The following SND1 variants were observed in gnomAD, a reference collection of about 807,000 sequenced individuals.
The protein encoded by SND1 is staphylococcal nuclease domain-containing protein 1.
SND1 carries 38 observed loss-of-function variants against 121.7 expected under a neutral mutation model. The ratio of observed to expected loss-of-function variants is 0.31; its 90% CI spans 0.24 to 0.41. The LOEUF is 0.41. SND1 is among the 10% of genes least tolerant of loss of function. SND1 has a pLI of 1.00. For missense variants in SND1, 868 were observed against 1,184.6 expected, an observed-to-expected ratio of 0.73 and a Z score of 3.92; for synonymous variants, 401 against 447.4, an observed-to-expected ratio of 0.90 and a Z score of 1.31.
At chr7:128,008,344 C>T (rs1489587174) in intron 16 of SND1, among the ~76,000 whole-genome samples, 1 of 152,146 alleles carries the variant, frequency 6.6e-6, no homozygotes, top group Non-Finnish European at 1.5e-5. Flanking sequence ...TTTTCCATCG[C>T]TTTCCCTGAT....
chr7:128,016,529 T>C (rs1233733336), intron 16 of SND1, among the ~76,000 whole-genome samples: 1 of 152,130 alleles, frequency 6.6e-6, no homozygotes, highest in Non-Finnish European at 1.5e-5. Context: ...GCCGTGTGGG[T>C]GGCAGAAAAT....
chr7:127,840,311 A>G (rs4728079), intron 11 of SND1, among the ~76,000 whole-genome samples: 43,344 of 152,162 alleles, frequency 0.28, 7,761 homozygotes, highest in East Asian at 0.71. Flanking sequence ...GGTCAAGGGA[A>G]ACTGAGACCC....
Position 127,844,530 on chromosome 7 carries a change from T to G in SND1, c.1343+106T>G, listed in dbSNP as rs1176027242. The G allele has an allele frequency of 4.7e-6, 4 of 859,578 alleles. No homozygotes were observed. The African/African-American group carries it at 6.8e-5, about 15-fold the overall frequency. The allele number at this position is 859,578 out of a possible 1,614,324, so 53.2% of individuals were successfully genotyped here. On this transcript the variant is annotated intron_variant, in intron 12 of 23. Transcript: ENST00000354725. ...TTCACTCTGCTTTGCTTTCTCCTGC[T>G]CTTAACTCAGTGGTTTATAATTTTG...
intron 16 of SND1, among the ~76,000 whole-genome samples, chr7:128,064,466 C>T (rs2117038018): frequency 6.6e-6 from 1 of 152,228 alleles, no homozygotes. Flanking sequence ...GAGGTAGAAT[C>T]AGTGTGTATT....
intron 10 of SND1, among the ~76,000 whole-genome samples, chr7:127,727,763 G>A (rs1796607590): frequency 6.6e-6 from 1 of 152,140 alleles, no homozygotes; most frequent in Non-Finnish European, 1.5e-5. Flanking sequence ...TAGGCATTCT[G>A]TACGAGTTTC....
intron 10 of SND1, among the ~76,000 whole-genome samples, chr7:127,793,280 G>A (rs1437799799): frequency 6.6e-6 from 1 of 152,164 alleles, no homozygotes; most frequent in Non-Finnish European, 1.5e-5. Context: ...AGATCTTTGT[G>A]GGAGCTTTTT....
chr7:127,916,174 C>T (rs763762637), intron 14 of SND1, among the ~76,000 whole-genome samples: 1 of 151,944 alleles, frequency 6.6e-6, no homozygotes, highest in Non-Finnish European at 1.5e-5. Flanking sequence ...ATTTGCAGTT[C>T]ACCTGGTGAT....
intron 10 of SND1, among the ~76,000 whole-genome samples, chr7:127,764,056 A>AAAAAAAAAAAAC (rs1554422863): frequency 7.4e-6 from 1 of 135,218 alleles, no homozygotes; most frequent in Non-Finnish European, 1.6e-5. Context: ...AAAAAAACAA[A>AAAAAAAAAAAAC]AAAACAAAAA....
rs923230155 is a variant in SND1 at position 128,015,867 on chromosome 7, G to A, written c.1779+24811G>A. Among the ~76,000 whole-genome samples the A allele has an allele frequency of 6.6e-6, 1 of 152,168 alleles. No homozygotes were observed. Among genetic ancestry groups the A allele is most frequent in the South Asian group, 2.1e-4 (1 of 4,826 alleles). On this transcript the variant is annotated intron_variant, in intron 16 of 23. Transcript: ENST00000354725. The surrounding 1 kb of genome is among the most constrained non-coding windows in gnomAD (Gnocchi z 4.5). ...CCATCCACTCTGGCAGCAGCCTATC[G>A]AAGGGAGAGAATCCTGGGGCAGCAG... is the stretch of plus-strand genomic sequence containing the variant.
intron 12 of SND1, among the ~76,000 whole-genome samples, chr7:127,863,473 A>T (rs1799415195): frequency 6.6e-6 from 1 of 152,194 alleles, no homozygotes; most frequent in Non-Finnish European, 1.5e-5. Flanking sequence ...AGAGGAAGTC[A>T]CCTTATCCAT....
rs76265799 is a variant in SND1 at position 127,894,191 on chromosome 7, C to T, written c.1454+6179C>T. Reference sequence around the variant, plus strand: ...GTTAATGGGGGCCACAGTGGGCTTTCTAAGTTCCATATGTTTGTAGCAGTG... The same window carrying T: ...GTTAATGGGGGCCACAGTGGGCTTTTTAAGTTCCATATGTTTGTAGCAGTG... On this transcript the variant is annotated intron_variant, in intron 13 of 23. Transcript: ENST00000354725. 3.6e-3 allele frequency among the ~76,000 whole-genome samples: 541 copies of T among 152,122 alleles called. 6 individuals are homozygous for T. The highest frequency in any genetic ancestry group is 0.013 in the African/African-American group (520 of 41,508).
At position 128,015,965 on chromosome 7, in the gene SND1, T is replaced by G. The variant is rs1803215682; in HGVS notation, c.1779+24909T>G. 6.6e-6 allele frequency among the ~76,000 whole-genome samples: 1 copy of G among 152,144 alleles called. No individual in the cohort carries two copies. On this transcript the variant is annotated intron_variant, in intron 16 of 23. Transcript: ENST00000354725. This position sits in a 1 kb window ranked among gnomAD's most constrained non-coding sequence, Gnocchi z 4.5. ...TACATTATTTGTATTTACATTTGGGTCATCTGCAAACCAAAGCGATCTCAG... is the reference window on the plus strand; with the variant it reads ...TACATTATTTGTATTTACATTTGGGGCATCTGCAAACCAAAGCGATCTCAG...
intron 9 of SND1, among the ~76,000 whole-genome samples, chr7:127,710,181 GTAAA>G (rs1488002734): frequency 8.5e-5 from 13 of 152,084 alleles, no homozygotes; most frequent in African/African-American, 3.1e-4. Flanking sequence ...TGTCAGTATC[GTAAA>G]TAAATTGGAA....
In SND1 at chr7:128,015,040, C is replaced by T. The variant is rs987302820; in HGVS notation, c.1779+23984C>T. On this transcript the variant is annotated intron_variant, in intron 16 of 23. Coordinates refer to ENST00000354725, the MANE Select transcript of SND1 (RefSeq NM_014390.4). The surrounding 1 kb of genome is among the most constrained non-coding windows in gnomAD (Gnocchi z 4.5). ...TTGGCTGGCTGTTCTTGCACTTGAG[C>T]GGCTTGTTTGCCTGGACAGGTCCAA... Among the ~76,000 whole-genome samples, 2 of 152,216 alleles carry T rather than the reference C, an allele frequency of 1.3e-5. No homozygotes were observed. The highest frequency in any genetic ancestry group is 4.8e-5 in the African/African-American group (2 of 41,474).
intron 13 of SND1, among the ~76,000 whole-genome samples, chr7:127,892,985 G>A (rs544288069): frequency 3.9e-5 from 6 of 152,024 alleles, no homozygotes; most frequent in African/African-American, 1.4e-4. Flanking sequence ...TTTTGTTTTA[G>A]TGTTTCTCAG....
At chr7:127,665,753 C>A (rs547961967) in intron 1 of SND1, among the ~76,000 whole-genome samples, 6 of 152,190 alleles carry the variant, frequency 3.9e-5, no homozygotes, top group African/African-American at 1.4e-4. Flanking sequence ...CTTAGGAATT[C>A]TGTTCCAGGA....
intron 10 of SND1, among the ~76,000 whole-genome samples, chr7:127,763,311 A>C (rs1215938522): frequency 1.3e-5 from 2 of 152,162 alleles, no homozygotes; most frequent in East Asian, 3.9e-4. Context: ...TGTCTCATAA[A>C]ATCAAGCATA....
At chr7:127,993,275 C>A (rs1251473375) in intron 16 of SND1, among the ~76,000 whole-genome samples, 1 of 152,200 alleles carries the variant, frequency 6.6e-6, no homozygotes, top group East Asian at 1.9e-4. Flanking sequence ...CAGGCTTATT[C>A]ATTTACTTTT....
intron 10 of SND1, 40 bp downstream of exon 10, chr7:127,721,440 A>G: frequency 8.5e-7 from 1 of 1,176,656 alleles, no homozygotes; most frequent in Non-Finnish European, 1.3e-6. Context: ...TGCATAAACC[A>G]AAAGGAAGAA....
Sources: gnomAD v4.1 joint callset for allele counts (sites outside exome capture counted in the v4.1 genomes callset) on GRCh38, gnomAD v4.1.1 for gene constraint, Gnocchi (gnomAD v3.1) non-coding constraint, MANE v1.5 for transcripts, NCBI Gene and HGNC (gene_info 2026-07-23, HGNC 2026-07-21) for gene names.